Variants in GALNTL6 observed in about 807,000 individuals in gnomAD.
GALNTL6 encodes polypeptide N-acetylgalactosaminyltransferase-like 6.
A neutral mutation model predicts 73.7 loss-of-function variants in GALNTL6; 46 were observed. The ratio of observed to expected loss-of-function variants is 0.62; its 90% CI spans 0.49 to 0.80. The LOEUF is 0.80. Ranked by LOEUF, GALNTL6 falls within the 30% of genes least tolerant of loss-of-function variation. The pLI, the probability that GALNTL6 is intolerant of heterozygous loss-of-function variation, is 0.00. For synonymous variants in GALNTL6, 259 were observed against 263.7 expected (o/e 0.98, Z 0.17); for missense variants, 604 against 755.0 (o/e 0.80, Z 2.34).
chr4:172,633,814 T>C (rs1320041645), intron 5 of GALNTL6, among the ~76,000 whole-genome samples: 1 of 152,208 alleles, frequency 6.6e-6, no homozygotes, highest in East Asian at 1.9e-4. Flanking sequence ...AGGGCAGTTT[T>C]GCCCATACTG....
At chr4:172,193,639 G>T (rs2110884415) in intron 2 of GALNTL6, among the ~76,000 whole-genome samples, 1 of 152,152 alleles carries the variant, frequency 6.6e-6, no homozygotes, top group Admixed American at 6.5e-5. Context: ...GAGGCGGGTG[G>T]ATCATGAGGT....
chr4:172,258,171 T>C (rs1325572867), intron 3 of GALNTL6, among the ~76,000 whole-genome samples: 1 of 151,384 alleles, frequency 6.6e-6, no homozygotes, highest in African/African-American at 2.4e-5. Flanking sequence ...ATATAGCTAC[T>C]TAGTACATCT....
chr4:172,057,785 C>T (rs1256113832), intron 2 of GALNTL6, among the ~76,000 whole-genome samples: 1 of 129,368 alleles, frequency 7.7e-6, no homozygotes, highest in East Asian at 2.3e-4. Flanking sequence ...ATCTTGTATT[C>T]ATCTGAAATT....
intron 5 of GALNTL6, among the ~76,000 whole-genome samples, chr4:172,406,408 T>A (rs1358866981): frequency 6.6e-6 from 1 of 151,976 alleles, no homozygotes; most frequent in Non-Finnish European, 1.5e-5. Flanking sequence ...ATATGCATGC[T>A]AACTAGAAAA....
chr4:172,497,100 A>T (rs1734093664), intron 5 of GALNTL6, among the ~76,000 whole-genome samples: 1 of 152,192 alleles, frequency 6.6e-6, no homozygotes, highest in Non-Finnish European at 1.5e-5. Flanking sequence ...GTATCTTTTA[A>T]TTTCTAATCA....
At chr4:172,882,060 C>T (rs1418542246) in intron 7 of GALNTL6, among the ~76,000 whole-genome samples, 2 of 151,494 alleles carry the variant, frequency 1.3e-5, no homozygotes, top group African/African-American at 4.8e-5. Context: ...CTTTGAACTG[C>T]AAAAATATTT....
At chr4:172,831,351 A>G (rs1742631202) in intron 7 of GALNTL6, among the ~76,000 whole-genome samples, 1 of 152,108 alleles carries the variant, frequency 6.6e-6, no homozygotes, top group Admixed American at 6.6e-5. Context: ...GGAGATGCAT[A>G]AACACCCGCA....
At chr4:172,716,894 T>C (rs1735138492) in intron 5 of GALNTL6, among the ~76,000 whole-genome samples, 3 of 152,218 alleles carry the variant, frequency 2.0e-5, no homozygotes, top group Admixed American at 2.0e-4. Context: ...CCTTGCATAG[T>C]TGGAGTTTAT....
At chr4:173,018,156 A>G (rs1205294417) in intron 11 of GALNTL6, among the ~76,000 whole-genome samples, 2 of 152,234 alleles carry the variant, frequency 1.3e-5, no homozygotes, top group Non-Finnish European at 2.9e-5. Flanking sequence ...CTATAGTACA[A>G]GGGAAATGTG....
intron 5 of GALNTL6, among the ~76,000 whole-genome samples, chr4:172,595,226 A>T (rs1236173549): frequency 6.6e-6 from 1 of 152,190 alleles, no homozygotes; most frequent in East Asian, 1.9e-4. Context: ...TTGCAACTGG[A>T]GTATTTGTGG....
chr4:173,005,614 G>C (rs1295262335), intron 10 of GALNTL6, among the ~76,000 whole-genome samples: 1 of 152,190 alleles, frequency 6.6e-6, no homozygotes, highest in African/African-American at 2.4e-5. Context: ...TAATGGAGTT[G>C]AGTTTGTGAG....
intron 5 of GALNTL6, among the ~76,000 whole-genome samples, chr4:172,797,993 C>T (rs1181267401): frequency 6.6e-6 from 1 of 150,938 alleles, no homozygotes; most frequent in African/African-American, 2.5e-5. Flanking sequence ...TCTGTAAGTC[C>T]CTTAAGTTCA....
chr4:172,181,136 G>A (rs573735370), intron 2 of GALNTL6, among the ~76,000 whole-genome samples: 16 of 152,218 alleles, frequency 1.1e-4, no homozygotes, highest in African/African-American at 3.6e-4. Flanking sequence ...GCATCATCTT[G>A]ATACCAAAAC....
At chr4:172,514,231 A>G (rs1734524801) in intron 5 of GALNTL6, among the ~76,000 whole-genome samples, 1 of 152,174 alleles carries the variant, frequency 6.6e-6, no homozygotes, top group Admixed American at 6.5e-5. Context: ...AGGTGAGGGC[A>G]GGGTTAGGAA....
At chr4:171,910,392 A>G (rs1005889729) in intron 2 of GALNTL6, among the ~76,000 whole-genome samples, 1 of 152,192 alleles carries the variant, frequency 6.6e-6, no homozygotes, top group Non-Finnish European at 1.5e-5. Flanking sequence ...GTGATAAAAA[A>G]AAGACCCAAA....
chr4:172,456,198 C>A (rs1732392734), intron 5 of GALNTL6, among the ~76,000 whole-genome samples: 1 of 152,088 alleles, frequency 6.6e-6, no homozygotes, highest in African/African-American at 2.4e-5. Context: ...ATCCAAAGGT[C>A]ACCAACATTA....
intron 3 of GALNTL6, among the ~76,000 whole-genome samples, chr4:172,270,782 A>G (rs1402220316): frequency 6.8e-6 from 1 of 147,832 alleles, no homozygotes; most frequent in African/African-American, 2.5e-5. Flanking sequence ...ATCTCTAGAT[A>G]TAGAGCTGTC....
At chr4:172,127,282 G>C (rs1733324993) in intron 2 of GALNTL6, among the ~76,000 whole-genome samples, 1 of 152,208 alleles carries the variant, frequency 6.6e-6, no homozygotes. Flanking sequence ...CACTCCATCT[G>C]AGAGCCTGGG....
intron 7 of GALNTL6, among the ~76,000 whole-genome samples, chr4:172,874,660 T>G (rs1320363250): frequency 6.6e-6 from 1 of 152,138 alleles, no homozygotes; most frequent in African/African-American, 2.4e-5. Context: ...TTGGCAATTT[T>G]TTTAAGCTAA....
Sources: gnomAD v4.1 joint callset for allele counts (sites outside exome capture counted in the v4.1 genomes callset) on GRCh38, gnomAD v4.1.1 for gene constraint, MANE v1.5 for transcripts, NCBI Gene and HGNC (gene_info 2026-07-23, HGNC 2026-07-21) for gene names.